The following BBOX1 variants were observed in gnomAD, a reference collection of about 807,000 sequenced individuals.
BBOX1 encodes gamma-butyrobetaine dioxygenase.
BBOX1 carries 35 observed loss-of-function variants against 41.6 expected under a neutral mutation model. That is an observed-to-expected ratio of 0.84 (90% CI 0.64 to 1.11). The LOEUF (loss-of-function observed/expected upper bound fraction) is 1.11, where lower values mean the gene tolerates loss of function less well. BBOX1 is among the 50% of genes most tolerant of loss of function. The pLI is 0.00. For synonymous variants in BBOX1, 163 were observed against 154.7 expected (o/e 1.05, Z -0.40); for missense variants, 458 against 460.6 (o/e 0.99, Z 0.05).
At chr11:27,091,906 G>A (rs1858259741) in intron 4 of BBOX1, among the ~76,000 whole-genome samples, 1 of 151,982 alleles carries the variant, frequency 6.6e-6, no homozygotes, top group East Asian at 1.9e-4. Flanking sequence ...GCAAACTGCT[G>A]TGCTTAATAA....
chr11:27,065,064 G>A (rs1488033334), intron 4 of BBOX1, among the ~76,000 whole-genome samples: 1 of 152,160 alleles, frequency 6.6e-6, no homozygotes, highest in African/African-American at 2.4e-5. Flanking sequence ...AAAGGCCATT[G>A]AGTTCTTGGG....
intron 5 of BBOX1, among the ~76,000 whole-genome samples, chr11:27,111,849 A>G (rs1443950408): frequency 1.3e-5 from 2 of 151,964 alleles, no homozygotes; most frequent in Admixed American, 6.6e-5. Context: ...GCTCCCTTTA[A>G]AAGTATTCTG....
intron 3 of BBOX1, among the ~76,000 whole-genome samples, chr11:27,056,439 G>C (rs982306826): frequency 2.0e-5 from 3 of 151,966 alleles, no homozygotes; most frequent in African/African-American, 7.2e-5. Context: ...TGTATTTTTA[G>C]TAAAGACGGG....
Position 27,055,627 on chromosome 11 carries a change from G to A in BBOX1, c.197G>A (p.Gly66Asp), listed in dbSNP as rs1403094455. Reference protein sequence around the residue: ...EALDVNIGIKGLIFDRKKVYI... With the variant: ...EALDVNIGIKDLIFDRKKVYI... ...CTTGATGTGAACATTGGAATTAAAG[G>A]CTTGATATTTGACAGAAAAAAGGTA... The change falls in exon 3 of 9, where the codon GGC (glycine) becomes GAC (aspartate). Residue 66 changes from glycine (G) to aspartate (D), a missense_variant. Gly to Asp is a moderately conservative substitution (Grantham distance 94). Transcript: ENST00000263182. 1 of 1,613,582 alleles carries A rather than the reference G, an allele frequency of 6.2e-7. No homozygotes were observed. The highest frequency in any genetic ancestry group is 2.2e-5 in the East Asian group (1 of 44,882).
intron 4 of BBOX1, among the ~76,000 whole-genome samples, chr11:27,082,295 C>T (rs769796939): frequency 5.3e-5 from 8 of 152,066 alleles, no homozygotes; most frequent in Non-Finnish European, 2.9e-5. Context: ...TATTGTGCCT[C>T]AGCAGAAGAA....
intron 4 of BBOX1, among the ~76,000 whole-genome samples, chr11:27,065,584 G>A (rs1438717120): frequency 1.3e-5 from 2 of 152,062 alleles, no homozygotes; most frequent in Admixed American, 6.5e-5. Context: ...GGTTGCTCCC[G>A]CAAAATCTGC....
chr11:27,106,674 T>A (rs12796835), intron 5 of BBOX1, among the ~76,000 whole-genome samples: 1 of 152,090 alleles, frequency 6.6e-6, no homozygotes, highest in African/African-American at 2.4e-5. Context: ...ATTAGACAGA[T>A]CAATGAGACA....
At chr11:27,070,930 T>C (rs1025326342) in intron 4 of BBOX1, among the ~76,000 whole-genome samples, 6 of 152,132 alleles carry the variant, frequency 3.9e-5, no homozygotes, top group Non-Finnish European at 7.3e-5. Context: ...TTGTTTCAAG[T>C]TTTAGAACTC....
chr11:27,107,496 G>T (rs972330694), intron 5 of BBOX1, among the ~76,000 whole-genome samples: 2 of 152,008 alleles, frequency 1.3e-5, no homozygotes, highest in African/African-American at 2.4e-5. Flanking sequence ...TATACCATTG[G>T]ATTAAGATAT....
intron 5 of BBOX1, among the ~76,000 whole-genome samples, chr11:27,113,678 AG>A (rs1397865344): frequency 6.6e-6 from 1 of 151,762 alleles, no homozygotes; most frequent in Admixed American, 6.6e-5. Flanking sequence ...GAAGACGGTG[AG>A]GATCAAGAAA....
chr11:27,119,900 C>T lies in BBOX1; in HGVS notation c.836+55C>T, dbSNP rs1590228334. 3.6e-6 allele frequency: 4 copies of T among 1,114,628 alleles called. No homozygotes were observed. The East Asian group carries it at 1.2e-4, about 33-fold the overall frequency. The allele number at this position is 1,114,628 out of a possible 1,614,324, so 69.0% of individuals were successfully genotyped here. A position where few individuals can be genotyped will look rare whatever the true frequency, so the allele number is the denominator to read the frequency against. On this transcript the variant is annotated intron_variant, in intron 7 of 8. Coordinates refer to ENST00000263182, the MANE Select transcript of BBOX1 (RefSeq NM_003986.3). ...AATAAAAGAATTGACAACAAAAGATCCACTAATCTAAAGTTTAAACAGCAC... is the reference window on the plus strand; with the variant it reads ...AATAAAAGAATTGACAACAAAAGATTCACTAATCTAAAGTTTAAACAGCAC...
Position 27,055,672 on chromosome 11 carries a change from T to G in BBOX1, c.219+23T>G, listed in dbSNP as rs749354502. On this transcript the variant is annotated intron_variant, in intron 3 of 8. Coordinates refer to ENST00000263182, the MANE Select transcript of BBOX1 (RefSeq NM_003986.3). ...AAGGTAATTATCTCTAAATTATGTC[T>G]CCCTTCTTTCTCAAGTTCAATAATG... 3 of 1,581,446 alleles carry G rather than the reference T, an allele frequency of 1.9e-6. No homozygotes were observed. In the South Asian group the frequency reaches 3.4e-5, roughly 18 times the overall value.
intron 6 of BBOX1, among the ~76,000 whole-genome samples, chr11:27,117,305 G>T (rs7939588): frequency 1.3e-5 from 2 of 151,700 alleles, no homozygotes; most frequent in East Asian, 3.9e-4. Flanking sequence ...TGCCCTTATT[G>T]TTACCCATTC....
At chr11:27,077,542 G>A (rs1409738383) in intron 4 of BBOX1, among the ~76,000 whole-genome samples, 1 of 149,936 alleles carries the variant, frequency 6.7e-6, no homozygotes, top group East Asian at 2.0e-4. Context: ...AAAGTTCACA[G>A]TGTGAATCTC....
At chr11:27,085,940 G>T (rs1200601871) in intron 4 of BBOX1, among the ~76,000 whole-genome samples, 1 of 152,112 alleles carries the variant, frequency 6.6e-6, no homozygotes, top group Non-Finnish European at 1.5e-5. Flanking sequence ...GATCAAACCA[G>T]CCACATTTCC....
chr11:27,065,512 A>G (rs1857256645), intron 4 of BBOX1, among the ~76,000 whole-genome samples: 1 of 152,058 alleles, frequency 6.6e-6, no homozygotes, highest in Admixed American at 6.6e-5. Context: ...ACCAGGGGAG[A>G]CTCAGAACCT....
At chr11:27,086,499 C>A (rs1340990987) in intron 4 of BBOX1, among the ~76,000 whole-genome samples, 1 of 152,070 alleles carries the variant, frequency 6.6e-6, no homozygotes, top group Non-Finnish European at 1.5e-5. Flanking sequence ...TGTTCAATAG[C>A]TGTTGAGACT....
intron 2 of BBOX1, among the ~76,000 whole-genome samples, chr11:27,045,406 T>C (rs1424783976): frequency 6.6e-6 from 1 of 152,192 alleles, no homozygotes; most frequent in Non-Finnish European, 1.5e-5. Flanking sequence ...CTTTTCCTAA[T>C]TGAATACGCT....
intron 5 of BBOX1, among the ~76,000 whole-genome samples, chr11:27,105,018 G>A (rs1192395716): frequency 1.3e-5 from 2 of 152,192 alleles, no homozygotes; most frequent in African/African-American, 2.4e-5. Flanking sequence ...CAACAGACCT[G>A]CAGCTGAGAG....
Sources: gnomAD v4.1 joint callset for allele counts (sites outside exome capture counted in the v4.1 genomes callset) on GRCh38, gnomAD v4.1.1 for gene constraint, MANE v1.5 for transcripts, NCBI Gene and HGNC (gene_info 2026-07-23, HGNC 2026-07-21) for gene names.